The following HNF1A variants were observed in gnomAD, a reference collection of about 807,000 sequenced individuals.
The protein encoded by HNF1A is hepatocyte nuclear factor 1-alpha.
HNF1A carries 21 observed loss-of-function variants against 62.2 expected under a neutral mutation model. The observed-to-expected ratio is 0.34, with a 90% CI of 0.24 to 0.49. The LOEUF is 0.49. Ranked by LOEUF, HNF1A falls within the 20% of genes least tolerant of loss-of-function variation. The pLI is 0.99. For synonymous variants in HNF1A, 374 were observed against 366.8 expected (o/e 1.02, Z -0.22); for missense variants, 687 against 832.3 (o/e 0.83, Z 2.15).
At chr12:120,999,726 T>C (rs977987092) in intron 9 of HNF1A, 99 bp downstream of exon 9, 6 of 1,444,136 alleles carry the variant, frequency 4.2e-6, no homozygotes, top group Admixed American at 2.1e-5. Context: ...GGGCTGTGCA[T>C]GCAGCAGGCC....
chr12:120,989,555 C>T (rs905751226), intron 2 of HNF1A, among the ~76,000 whole-genome samples: 7 of 152,022 alleles, frequency 4.6e-5, no homozygotes, highest in African/African-American at 7.3e-5. Flanking sequence ...CCACCATACC[C>T]GGCCTGGGTC....
chr12:120,983,139 C>A (rs1876335374), intron 1 of HNF1A, among the ~76,000 whole-genome samples: 1 of 152,152 alleles, frequency 6.6e-6, no homozygotes, highest in Non-Finnish European at 1.5e-5. Context: ...AGGCTCAAAG[C>A]CTTGGACATC....
In HNF1A at chr12:121,001,691, C is replaced by T. The variant is rs964610441; in HGVS notation, c.*499C>T. ...ACCGGGCCACTCCTTCCTGCCCCAACTCCTTCCAGCTAGTGACCCACATGC... is the reference window on the plus strand; with the variant it reads ...ACCGGGCCACTCCTTCCTGCCCCAATTCCTTCCAGCTAGTGACCCACATGC... On this transcript the variant is annotated 3_prime_UTR_variant, in exon 10 of 10. Transcript: ENST00000257555. 4.6e-5 allele frequency: 22 copies of T among 481,286 alleles called. No individual in the cohort carries two copies. Among genetic ancestry groups the T allele is most frequent in the Middle Eastern group, 3.0e-4 (1 of 3,304 alleles). The allele number at this position is 481,286 out of a possible 1,614,324, so 29.8% of individuals were successfully genotyped here.
Position 121,001,426 on chromosome 12 carries a change from C to A in HNF1A, c.*234C>A. On this transcript the variant is annotated 3_prime_UTR_variant, in exon 10 of 10. Coordinates refer to ENST00000257555, the MANE Select transcript of HNF1A (RefSeq NM_000545.8). ...GGGTCGTGGAGAGCTAGGAGCAAAGCCTGTTCATGGCAGATGTAGGAGGGA... is the reference window on the plus strand; with the variant it reads ...GGGTCGTGGAGAGCTAGGAGCAAAGACTGTTCATGGCAGATGTAGGAGGGA... The A allele has an allele frequency of 1.8e-6, 1 of 567,206 alleles. No homozygotes were observed. The allele number at this position is 567,206 out of a possible 1,614,324, so 35.1% of individuals were successfully genotyped here.
chr12:120,990,243 G>A (rs375485291), intron 2 of HNF1A, among the ~76,000 whole-genome samples: 2 of 151,988 alleles, frequency 1.3e-5, no homozygotes, highest in East Asian at 3.8e-4. Flanking sequence ...CCGGGTTCAT[G>A]CCATTCTCCT....
intron 1 of HNF1A, among the ~76,000 whole-genome samples, chr12:120,983,225 G>A (rs1249205866): frequency 6.6e-6 from 1 of 152,328 alleles, no homozygotes; most frequent in Non-Finnish European, 1.5e-5. Context: ...GCTCTGCTGT[G>A]TGGGGCCAAG....
chr12:120,995,037 T>C (rs1877030653), intron 4 of HNF1A, among the ~76,000 whole-genome samples: 1 of 150,426 alleles, frequency 6.6e-6, no homozygotes, highest in Non-Finnish European at 1.5e-5. Context: ...CTCCATCCAC[T>C]CCCCTCCATC....
At chr12:120,987,410 A>G (rs1172179363) in intron 1 of HNF1A, among the ~76,000 whole-genome samples, 1 of 150,296 alleles carries the variant, frequency 6.7e-6, no homozygotes, top group Non-Finnish European at 1.5e-5. Context: ...AGGAGGTGGA[A>G]CTTGCAGTGA....
chr12:120,990,348 C>A (rs1051704980), intron 2 of HNF1A, among the ~76,000 whole-genome samples: 1 of 151,660 alleles, frequency 6.6e-6, no homozygotes, highest in African/African-American at 2.4e-5. Flanking sequence ...TCACCATGGT[C>A]TCGATCTCCT....
chr12:120,990,671 T>TAGGAAAGGGAGGAAAGGTAGGAAAGGG (rs1288436741), intron 2 of HNF1A, among the ~76,000 whole-genome samples: 1 of 99,116 alleles, frequency 1.0e-5, no homozygotes, highest in African/African-American at 4.6e-5. Flanking sequence ...GGAGGAAAGG[T>TAGGAAAGGGAGGAAAGGTAGGAAAGGG]AGGAAAGGGA....
intron 1 of HNF1A, among the ~76,000 whole-genome samples, chr12:120,988,277 AATCCATCCATCCATTCATCCAACC>A (rs930006791): frequency 6.6e-5 from 7 of 106,132 alleles, no homozygotes; most frequent in Admixed American, 3.4e-4. Flanking sequence ...CCCACCCACC[AATCCATCCATCCATTCATCCAACC>A]ATCCATCCAT....
At chr12:120,982,069 TTG>T (rs1565881194) in intron 1 of HNF1A, among the ~76,000 whole-genome samples, 1 of 151,580 alleles carries the variant, frequency 6.6e-6, no homozygotes, top group African/African-American at 2.4e-5. Context: ...TTCTTTTTTG[TTG>T]TTGTTGTTGT....
At chr12:120,983,550 C>CTTTT (rs554689596) in intron 1 of HNF1A, among the ~76,000 whole-genome samples, 1 of 143,788 alleles carries the variant, frequency 7.0e-6, no homozygotes, top group Non-Finnish European at 1.5e-5. Context: ...TTCTTTCTTT[C>CTTTT]TTTTTTTTTT....
intron 2 of HNF1A, among the ~76,000 whole-genome samples, chr12:120,990,491 T>G: frequency 6.6e-6 from 1 of 152,062 alleles, no homozygotes; most frequent in African/African-American, 2.4e-5. Context: ...TAATCTCAGC[T>G]ACTGAGGAGG....
intron 2 of HNF1A, among the ~76,000 whole-genome samples, chr12:120,990,277 G>A (rs1027219363): frequency 1.3e-5 from 2 of 152,120 alleles, no homozygotes; most frequent in African/African-American, 4.8e-5. Context: ...GAGTAGCTGG[G>A]ACTACAGGTG....
At position 120,997,491 on chromosome 12, in the gene HNF1A, GCA is replaced by G. The variant is rs776793516; in HGVS notation, c.1330_1331del (p.Gln444GlufsTer104). 1.2e-6 allele frequency: 2 copies of G among 1,610,390 alleles called. No homozygotes were observed. The highest frequency in any genetic ancestry group is 1.7e-6 in the Non-Finnish European group (2 of 1,179,066). On this transcript the variant is annotated frameshift_variant, in exon 7 of 10. Transcript: ENST00000257555. LOFTEE classifies it high-confidence loss of function. ...TLVIGLASTQ[A>X]QSVPVINSMG... Reference sequence around the variant, plus strand: ...CACTCCAGGCCTGGCCTCCACGCAGGCACAGAGTGTGCCGGTCATCAACAGCA... The same window carrying G: ...CACTCCAGGCCTGGCCTCCACGCAGGCAGAGTGTGCCGGTCATCAACAGCA...
rs192910874 is a variant in HNF1A, at chr12:120,997,968, A to G, written c.1501+303A>G. The G allele has an allele frequency of 2.3e-5, 14 of 614,176 alleles. No individual in the cohort carries two copies. The East Asian group carries it at 3.9e-4, about 17-fold the overall frequency. The allele number at this position is 614,176 out of a possible 1,614,324, so 38.0% of individuals were successfully genotyped here. On this transcript the variant is annotated intron_variant, in intron 7 of 9. Transcript: ENST00000257555. ...TCTTAGGGCCATATGAATTTCTAAA[A>G]TCTATTCAGATTTTAGAAAGGTAAT...
At position 121,001,096 on chromosome 12, in the gene HNF1A, C is replaced by A; in HGVS notation, c.1800C>A (p.Ser600Arg). The A allele has an allele frequency of 1.2e-6, 2 of 1,613,906 alleles. No individual in the cohort carries two copies. Among genetic ancestry groups the A allele is most frequent in the Non-Finnish European group, 1.7e-6 (2 of 1,179,922 alleles). Residue 600 changes from serine to arginine, a missense_variant, in exon 10 of 10, where the codon AGC becomes AGA. By Grantham distance (110) the Ser-to-Arg change is moderately radical. Transcript: ENST00000257555. ...CCAGCAGCCTGGTGCTGTACCAGAG[C>A]TCAGACTCCAGCAATGGCCAGAGCC... The part of the protein sequence containing the change: ...VSSSSLVLYQ[S>R]SDSSNGQSHL...
At chr12:120,998,021 T>C in intron 7 of HNF1A, 7 of 550,034 alleles carry the variant, frequency 1.3e-5, no homozygotes, top group Admixed American at 3.0e-5. Context: ...GGCTCATGCC[T>C]GTAATCCCAG....
Sources: gnomAD v4.1 joint callset for allele counts (sites outside exome capture counted in the v4.1 genomes callset) on GRCh38, gnomAD v4.1.1 for gene constraint, MANE v1.5 for transcripts, NCBI Gene and HGNC (gene_info 2026-07-23, HGNC 2026-07-21) for gene names.